The following SLC39A11 variants were observed in gnomAD, a reference collection of about 807,000 sequenced individuals.
SLC39A11 encodes solute carrier family 39 member 11.
In SLC39A11, 33 loss-of-function variants were observed where a neutral mutation model predicts 36.1. That is an observed-to-expected ratio of 0.91 (90% CI 0.69 to 1.22). The LOEUF (loss-of-function observed/expected upper bound fraction) is 1.22, where lower values mean the gene tolerates loss of function less well. SLC39A11 is among the 50% of genes most tolerant of loss of function. The pLI is 0.00. For missense variants in SLC39A11, 432 were observed against 430.3 expected (o/e 1.00, Z -0.03); for synonymous variants, 166 against 170.3 (o/e 0.97, Z 0.20).
chr17:72,728,167 C>T (rs2074010471), intron 7 of SLC39A11, among the ~76,000 whole-genome samples: 1 of 152,128 alleles, frequency 6.6e-6, no homozygotes, highest in African/African-American at 2.4e-5. Flanking sequence ...GGTCAGATAG[C>T]CAGGTGTGGT....
chr17:72,922,979 A>AAC lies in SLC39A11; in HGVS notation c.430+24772_430+24773insGT, dbSNP rs1161911311. ...CCTTCTCAAAAAAAAAAAAAAAAAA[A>AAC]AAAAAAAAAAACACACAGAAAATAC... On this transcript the variant is annotated intron_variant, in intron 5 of 9. Transcript: ENST00000255559. Among the ~76,000 whole-genome samples, 9 of 138,008 alleles carry AAC rather than the reference A, an allele frequency of 6.5e-5. 1 individual carries two copies. Among genetic ancestry groups the AAC allele is most frequent in the African/African-American group, 2.0e-4 (7 of 34,560 alleles). 90.5% of individuals were successfully genotyped at this position (138,008 alleles called of 152,430 possible).
intron 7 of SLC39A11, among the ~76,000 whole-genome samples, chr17:72,679,876 T>C (rs1046280304): frequency 6.6e-6 from 1 of 151,890 alleles, no homozygotes; most frequent in South Asian, 2.1e-4. Context: ...ACCCTGTCTC[T>C]ACCAAAAATA....
chr17:72,676,545 A>G (rs2071270028), intron 7 of SLC39A11, among the ~76,000 whole-genome samples: 1 of 152,200 alleles, frequency 6.6e-6, no homozygotes, highest in Non-Finnish European at 1.5e-5. Context: ...CAGCAGCAGC[A>G]TGCAGAAAGA....
intron 7 of SLC39A11, among the ~76,000 whole-genome samples, chr17:72,656,038 C>G (rs1480559486): frequency 6.6e-6 from 1 of 152,174 alleles, no homozygotes; most frequent in African/African-American, 2.4e-5. Context: ...TAACTAAACA[C>G]TCTGAGCTGA....
At chr17:72,674,941 C>A (rs1292178233) in intron 7 of SLC39A11, among the ~76,000 whole-genome samples, 1 of 133,270 alleles carries the variant, frequency 7.5e-6, no homozygotes, top group Non-Finnish European at 1.6e-5. Context: ...TGAGAAGGAT[C>A]CTGAAGTGTC....
At chr17:72,763,183 C>T (rs906204774) in intron 6 of SLC39A11, among the ~76,000 whole-genome samples, 3 of 152,180 alleles carry the variant, frequency 2.0e-5, no homozygotes, top group Non-Finnish European at 4.4e-5. Context: ...CCTTCCTCCC[C>T]TTCTCCCTCA....
intron 3 of SLC39A11, among the ~76,000 whole-genome samples, chr17:73,072,914 C>T (rs949166830): frequency 2.6e-5 from 4 of 152,178 alleles, no homozygotes; most frequent in Non-Finnish European, 5.9e-5. Flanking sequence ...GCGCAGTGGC[C>T]CACGCCTGTA....
At chr17:72,765,552 A>G (rs538777446) in intron 6 of SLC39A11, among the ~76,000 whole-genome samples, 1 of 152,298 alleles carries the variant, frequency 6.6e-6, no homozygotes, top group Non-Finnish European at 1.5e-5. Flanking sequence ...TGAACCCATT[A>G]GTTCATCTAT....
intron 5 of SLC39A11, among the ~76,000 whole-genome samples, chr17:72,855,032 G>A (rs1168726477): frequency 6.6e-6 from 1 of 152,200 alleles, no homozygotes; most frequent in Non-Finnish European, 1.5e-5. Context: ...GCCCTTCAAG[G>A]TCTGGCTTCC....
At chr17:73,059,654 CAAA>C (rs57518384) in intron 3 of SLC39A11, among the ~76,000 whole-genome samples, 8 of 127,966 alleles carry the variant, frequency 6.3e-5, no homozygotes, top group Admixed American at 7.8e-5. Flanking sequence ...AAACTGTCTC[CAAA>C]AAAAAAAAAA....
At chr17:72,741,604 G>A (rs1157629950) in intron 6 of SLC39A11, among the ~76,000 whole-genome samples, 2 of 152,148 alleles carry the variant, frequency 1.3e-5, no homozygotes, top group Admixed American at 6.5e-5. Context: ...TCTTGAAGAG[G>A]AGGCCTAATT....
chr17:72,964,077 G>A (rs2147961094), intron 4 of SLC39A11, among the ~76,000 whole-genome samples: 1 of 152,126 alleles, frequency 6.6e-6, no homozygotes, highest in Middle Eastern at 3.4e-3. Context: ...CGCCCCCCGA[G>A]GTACACACGA....
At chr17:72,725,591 C>T (rs1167980875) in intron 7 of SLC39A11, 1 of 152,206 alleles carries the variant, frequency 6.6e-6, no homozygotes. Context: ...GACACACAGT[C>T]ACCTTTCCTG....
chr17:72,819,040 AG>A lies in SLC39A11; in HGVS notation c.601+30593del, dbSNP rs1450135513. ...CCTCTGCCTAGTCTTCCCTGGATGG[AG>A]GGGTGTCATAAATTGAACTGTCTCT... On this transcript the variant is annotated intron_variant, in intron 6 of 9. Transcript: ENST00000255559. 7 of 152,086 alleles carry A rather than the reference AG, an allele frequency of 4.6e-5. No homozygotes were observed. The East Asian group carries it at 9.6e-4, about 21-fold the overall frequency. 9.4% of individuals were successfully genotyped at this position (152,086 alleles called of 1,614,324 possible). A position where few individuals can be genotyped will look rare whatever the true frequency, so the allele number is the denominator to read the frequency against.
intron 4 of SLC39A11, among the ~76,000 whole-genome samples, chr17:73,022,693 C>CAA (rs1467606822): frequency 1.3e-5 from 2 of 151,618 alleles, no homozygotes; most frequent in African/African-American, 4.9e-5. Flanking sequence ...CAGCAGGACC[C>CAA]AAAACAACAT....
rs541691209 is a variant in SLC39A11 at position 72,818,246 on chromosome 17, G to A, written c.601+31388C>T. 7.2e-5 allele frequency among the ~76,000 whole-genome samples: 11 copies of A among 152,256 alleles called. No individual in the cohort carries two copies. In the East Asian group the frequency reaches 9.6e-4, roughly 13 times the overall value. ...CTGAAAGGTCCAATCATCTTGACCC[G>A]AAAGGTCAAGCCACTGCTCCCGTGG... On this transcript the variant is annotated intron_variant, in intron 6 of 9. Coordinates refer to ENST00000255559, the MANE Select transcript of SLC39A11 (RefSeq NM_139177.4).
rs116625014 is a variant in SLC39A11 at position 72,656,715 on chromosome 17, C to T, written c.672-7447G>A. 3.0e-3 allele frequency among the ~76,000 whole-genome samples: 459 copies of T among 152,192 alleles called. 3 individuals are homozygous for T. Among genetic ancestry groups the T allele is most frequent in the African/African-American group, 0.01 (435 of 41,530 alleles). Reference sequence around the variant, plus strand: ...CATCCAGACTTCTCTTTTCCTTTTCCTTAGGAATCAGAATTTGCTAGGAAG... The same window carrying T: ...CATCCAGACTTCTCTTTTCCTTTTCTTTAGGAATCAGAATTTGCTAGGAAG... On this transcript the variant is annotated intron_variant, in intron 7 of 9. Coordinates refer to ENST00000255559, the MANE Select transcript of SLC39A11 (RefSeq NM_139177.4).
chr17:72,699,331 G>A (rs1158273646), intron 7 of SLC39A11, among the ~76,000 whole-genome samples: 3 of 152,240 alleles, frequency 2.0e-5, no homozygotes, highest in Admixed American at 6.5e-5. Context: ...ATGAATTTGT[G>A]TTAGGCTGCA....
chr17:73,020,636 G>C lies in SLC39A11; in HGVS notation c.306+10920C>G, dbSNP rs76433793. 3.8e-3 allele frequency among the ~76,000 whole-genome samples: 569 copies of C among 150,692 alleles called. 3 individuals are homozygous for C. The highest frequency in any genetic ancestry group is 0.013 in the African/African-American group (545 of 41,226). On this transcript the variant is annotated intron_variant, in intron 4 of 9. Coordinates refer to ENST00000255559, the MANE Select transcript of SLC39A11 (RefSeq NM_139177.4). ...GACCTCCCCAGGGGACCATGTGAGA[G>C]AGAACAATGCTTTTGGGTTTTTGGG... is the stretch of plus-strand genomic sequence containing the variant.
Sources: allele counts gnomAD v4.1 joint callset (sites outside exome capture counted in the v4.1 genomes callset), GRCh38; gene constraint gnomAD v4.1.1; transcripts MANE v1.5; gene names NCBI Gene and HGNC (gene_info 2026-07-23, HGNC 2026-07-21).